VSIG4: variants seen among roughly 807,000 people sequenced by gnomAD.
The protein encoded by VSIG4 is V-set and immunoglobulin domain-containing protein 4.
VSIG4 carries 34 observed loss-of-function variants against 23.4 expected under a neutral mutation model. The observed-to-expected ratio is 1.45, with a 90% CI of 1.10 to 1.93. The LOEUF is 1.93. Among genes scored for constraint, VSIG4 ranks in the 30% most tolerant of loss-of-function variants. The pLI, the probability that VSIG4 is intolerant of heterozygous loss-of-function variation, is 0.00. For synonymous variants in VSIG4, 169 were observed against 120.3 expected (o/e 1.41, Z -2.65); for missense variants, 433 against 310.8 (o/e 1.39, Z -2.96).
At chrX:66,033,991 T>C (rs1165259747) in intron 1 of VSIG4, among the ~76,000 whole-genome samples, 161 bp from the exon 2 acceptor site, 1 of 112,127 alleles carries the variant, frequency 8.9e-6, no homozygotes, top group Non-Finnish European at 1.9e-5. Flanking sequence ...TTGCCAGCCT[T>C]CTCATCAATC....
At chrX:66,039,856 T>A (rs974560093) in intron 1 of VSIG4, 88 bp downstream of exon 1, 1 of 1,097,299 alleles carries the variant, frequency 9.1e-7, no homozygotes, top group Non-Finnish European at 1.2e-6. Flanking sequence ...CCAGTAGGAA[T>A]AGGCTTTCCA....
intron 5 of VSIG4, among the ~76,000 whole-genome samples, chrX:66,025,742 T>A (rs942935531): frequency 5.3e-5 from 6 of 112,260 alleles, no homozygotes; most frequent in Non-Finnish European, 7.5e-5. Flanking sequence ...AACCTGTCAG[T>A]ATGTTAGTTT....
At chrX:66,039,604 A>G (rs960723921) in intron 1 of VSIG4, among the ~76,000 whole-genome samples, 2 of 112,082 alleles carry the variant, frequency 1.8e-5, no homozygotes, top group East Asian at 2.8e-4. Context: ...GTTAAGTCCA[A>G]TTGTAGAATT....
intron 2 of VSIG4, 51 bp from the exon 3 acceptor site, chrX:66,032,800 G>A (rs773904517): frequency 8.7e-7 from 1 of 1,149,636 alleles, no homozygotes; most frequent in Admixed American, 2.5e-5. Context: ...AAGGATATGG[G>A]ACCAAAAGGC....
At chrX:66,032,775 A>T (rs1405776033) in intron 2 of VSIG4, 26 bp from the exon 3 acceptor site, 1 of 1,198,329 alleles carries the variant, frequency 8.3e-7, no homozygotes, top group Non-Finnish European at 1.1e-6. Context: ...AAGACAGGAA[A>T]CTCTGGGCAG....
At chrX:66,028,917 G>A (rs1383226991) in intron 3 of VSIG4, among the ~76,000 whole-genome samples, 4 of 111,414 alleles carry the variant, frequency 3.6e-5, no homozygotes, top group African/African-American at 6.5e-5. Flanking sequence ...GCTGCCTGAG[G>A]CAATGGATAA....
At chrX:66,038,124 T>C (rs942576302) in intron 1 of VSIG4, among the ~76,000 whole-genome samples, 1 of 111,689 alleles carries the variant, frequency 9.0e-6, no homozygotes, top group African/African-American at 3.3e-5. Flanking sequence ...GTATATAAAA[T>C]GTGAATATTA....
chrX:66,027,269 T>G (rs1347900782), intron 5 of VSIG4, among the ~76,000 whole-genome samples, 180 bp downstream of exon 5: 2 of 112,138 alleles, frequency 1.8e-5, no homozygotes, highest in African/African-American at 6.5e-5. Flanking sequence ...TCTGGATCTG[T>G]ATCTCTCTCT....
Position 66,032,502 on chromosome X carries a change from C to T in VSIG4, c.660G>A (p.Glu220=), listed in dbSNP as rs1364808444. The change falls in exon 3 of 8, where the codon GAG becomes GAA. Residue 220 remains glutamate (E), a synonymous_variant. Transcript: ENST00000374737. The part of the protein sequence containing the change: ...FCTAKGQVGS[E]QHSDIVKFVV... ...CAAACTTCACAATGTCGCTGTGCTG[C>T]TCAGAGCCAACCTGGCCCTTGGCAG... The T allele has an allele frequency of 8.3e-7, 1 of 1,211,986 alleles. No homozygotes were observed. Among genetic ancestry groups the T allele is most frequent in the East Asian group, 3.0e-5 (1 of 33,843 alleles).
At chrX:66,031,127 G>C (rs964509790) in intron 3 of VSIG4, among the ~76,000 whole-genome samples, 1 of 111,321 alleles carries the variant, frequency 9.0e-6, no homozygotes, top group Non-Finnish European at 1.9e-5. Flanking sequence ...GGGCAATGGC[G>C]AGCACTGCTT....
At chrX:66,034,938 G>A (rs1182756804) in intron 1 of VSIG4, among the ~76,000 whole-genome samples, 2 of 110,976 alleles carry the variant, frequency 1.8e-5, no homozygotes, top group African/African-American at 6.6e-5. Flanking sequence ...AAGAGAGGTG[G>A]TTTCAAAGAT....
chrX:66,035,717 C>A (rs1027029750), intron 1 of VSIG4, among the ~76,000 whole-genome samples: 1 of 111,882 alleles, frequency 8.9e-6, no homozygotes, highest in Non-Finnish European at 1.9e-5. Flanking sequence ...CATGCTTAAA[C>A]CCCATGAAAA....
intron 1 of VSIG4, among the ~76,000 whole-genome samples, chrX:66,037,026 T>C (rs868298502): frequency 1.1e-3 from 42 of 39,630 alleles, no homozygotes; most frequent in African/African-American, 4.9e-3. Flanking sequence ...TATAATATAA[T>C]ATATAATGTA....
intron 5 of VSIG4, among the ~76,000 whole-genome samples, chrX:66,027,062 C>T (rs1030198900): frequency 8.1e-5 from 9 of 111,633 alleles, no homozygotes; most frequent in South Asian, 3.8e-4. Context: ...CAGCTTCAAG[C>T]GGCTTGAAGA....
chrX:66,035,523 A>C (rs2085526419), intron 1 of VSIG4, among the ~76,000 whole-genome samples: 1 of 111,268 alleles, frequency 9.0e-6, no homozygotes, highest in Non-Finnish European at 1.9e-5. Context: ...AAGTGTTAAT[A>C]GGCTATAATA....
intron 5 of VSIG4, among the ~76,000 whole-genome samples, chrX:66,027,076 C>A (rs2085400418): frequency 9.0e-6 from 1 of 111,537 alleles, no homozygotes; most frequent in East Asian, 2.8e-4. Context: ...TTGAAGAGCC[C>A]TGGTTAAGAG....
At chrX:66,036,988 A>G (rs1256856231) in intron 1 of VSIG4, among the ~76,000 whole-genome samples, 1 of 25,201 alleles carries the variant, frequency 4.0e-5, no homozygotes, top group Non-Finnish European at 5.1e-5. Context: ...AATATATCAT[A>G]TAATATAATA....
intron 5 of VSIG4, 124 bp downstream of exon 5, chrX:66,027,325 C>T (rs2085403221): frequency 8.3e-6 from 5 of 599,299 alleles, no homozygotes; most frequent in African/African-American, 2.2e-5. Context: ...TTGACCATTG[C>T]TTGGCACATA....
intron 4 of VSIG4, 59 bp downstream of exon 4, chrX:66,027,991 T>C: frequency 9.3e-7 from 1 of 1,078,651 alleles, no homozygotes; most frequent in Non-Finnish European, 1.3e-6. Flanking sequence ...ATTCCTTTCT[T>C]GGCTACGATG....
Sources: allele counts gnomAD v4.1 joint callset (sites outside exome capture counted in the v4.1 genomes callset), GRCh38; gene constraint gnomAD v4.1.1; transcripts MANE v1.5; gene names NCBI Gene and HGNC (gene_info 2026-07-23, HGNC 2026-07-21).